EPHA4: variants seen among roughly 807,000 people sequenced by gnomAD.
EPHA4 encodes ephrin type-A receptor 4.
EPHA4 carries 19 observed loss-of-function variants against 108.3 expected under a neutral mutation model. That is an observed-to-expected ratio of 0.18 (90% CI 0.12 to 0.26). EPHA4 has a LOEUF of 0.26. Ranked by LOEUF, EPHA4 falls within the 10% of genes least tolerant of loss-of-function variation. EPHA4 has a pLI of 1.00. For missense variants in EPHA4, 917 were observed against 1,254.0 expected (o/e 0.73, Z 4.06); for synonymous variants, 449 against 455.5 (o/e 0.99, Z 0.18).
At chr2:221,454,189 A>T (rs1574576614) in intron 8 of EPHA4, among the ~76,000 whole-genome samples, 1 of 152,010 alleles carries the variant, frequency 6.6e-6, no homozygotes, top group Admixed American at 6.6e-5. Flanking sequence ...TCAGAAAAAA[A>T]TTAATAAATT....
rs200794726 is a variant in EPHA4, at chr2:221,432,125, TTG to T, written c.2497-1976_2497-1975del. ...CAACAGAATTCTTTATATATATATA[TTG>T]TTTTTTTATATATATGTGTGTATAT... On this transcript the variant is annotated intron_variant, in intron 14 of 17. Coordinates refer to ENST00000281821, the MANE Select transcript of EPHA4 (RefSeq NM_004438.5). Among the ~76,000 whole-genome samples the T allele has an allele frequency of 7.8e-3, 1,101 of 140,278 alleles. 9 individuals carry two copies. The highest frequency in any genetic ancestry group is 0.03 in the African/African-American group (1,042 of 34,366). 92.0% of individuals were successfully genotyped at this position (140,278 alleles called of 152,430 possible). A position where few individuals can be genotyped will look rare whatever the true frequency, so the allele number is the denominator to read the frequency against.
At chr2:221,465,408 T>C (rs1417210999) in intron 5 of EPHA4, among the ~76,000 whole-genome samples, 1 of 152,162 alleles carries the variant, frequency 6.6e-6, no homozygotes, top group Non-Finnish European at 1.5e-5. Flanking sequence ...CAGAGAGCTA[T>C]TGGTTAAATT....
At chr2:221,422,212 T>C (rs1479422246) in intron 17 of EPHA4, 1 of 152,196 alleles carries the variant, frequency 6.6e-6, no homozygotes, top group African/African-American at 2.4e-5. Context: ...CTATTTCCTC[T>C]CTGGAAATCG....
intron 3 of EPHA4, among the ~76,000 whole-genome samples, chr2:221,501,513 C>CT (rs1243225900): frequency 1.1e-4 from 16 of 152,320 alleles, no homozygotes; most frequent in Non-Finnish European, 1.5e-5. Flanking sequence ...TACAGCACCC[C>CT]TTTTCGACAG....
intron 3 of EPHA4, among the ~76,000 whole-genome samples, chr2:221,560,786 T>C (rs1306322506): frequency 3.3e-5 from 5 of 152,216 alleles, no homozygotes; most frequent in Non-Finnish European, 7.3e-5. Context: ...AGAAACATGC[T>C]CAAGGTCATC....
intron 15 of EPHA4, among the ~76,000 whole-genome samples, chr2:221,428,968 AGAG>A (rs1263151573): frequency 6.6e-6 from 1 of 152,118 alleles, no homozygotes; most frequent in Non-Finnish European, 1.5e-5. Flanking sequence ...GAGAAAGATG[AGAG>A]GAGAACACCA....
intron 15 of EPHA4, among the ~76,000 whole-genome samples, chr2:221,426,887 A>G (rs1689928330): frequency 6.6e-6 from 1 of 152,202 alleles, no homozygotes; most frequent in Non-Finnish European, 1.5e-5. Context: ...TGCTCATAGC[A>G]GGTCTTTTAA....
At chr2:221,521,472 T>C (rs780535355) in intron 3 of EPHA4, among the ~76,000 whole-genome samples, 2 of 152,104 alleles carry the variant, frequency 1.3e-5, no homozygotes, top group African/African-American at 2.4e-5. Context: ...TAGTGGGTCA[T>C]GATATGTTTG....
intron 15 of EPHA4, 94 bp downstream of exon 15, chr2:221,429,864 T>G: frequency 7.1e-7 from 1 of 1,414,816 alleles, no homozygotes; most frequent in Non-Finnish European, 9.8e-7. Context: ...TGAAGTGGCC[T>G]CTGATGAAAA....
At chr2:221,559,372 C>A (rs1694390985) in intron 3 of EPHA4, among the ~76,000 whole-genome samples, 1 of 152,086 alleles carries the variant, frequency 6.6e-6, no homozygotes, top group Non-Finnish European at 1.5e-5. Context: ...CTGGAGCTCT[C>A]CTTTCATTTT....
chr2:221,475,151 G>T (rs1163808886), intron 5 of EPHA4, among the ~76,000 whole-genome samples: 1 of 152,204 alleles, frequency 6.6e-6, no homozygotes, highest in Non-Finnish European at 1.5e-5. Context: ...GATTACAGGC[G>T]TGAGCCGCTG....
At chr2:221,428,464 T>A (rs1689976591) in intron 15 of EPHA4, among the ~76,000 whole-genome samples, 1 of 152,174 alleles carries the variant, frequency 6.6e-6, no homozygotes, top group Non-Finnish European at 1.5e-5. Context: ...TACCTCAACT[T>A]GTTCTGTACC....
At chr2:221,548,201 G>A (rs1188557467) in intron 3 of EPHA4, among the ~76,000 whole-genome samples, 2 of 152,022 alleles carry the variant, frequency 1.3e-5, no homozygotes, top group East Asian at 3.9e-4. Flanking sequence ...AAAGGGTCTG[G>A]GACAAATTAG....
intron 3 of EPHA4, among the ~76,000 whole-genome samples, chr2:221,507,198 C>A (rs75269998): frequency 0.031 from 4,679 of 152,162 alleles, 244 homozygotes; most frequent in African/African-American, 0.11. Flanking sequence ...CTCCATGGTT[C>A]GTCTGTTACT....
At chr2:221,520,930 A>G (rs1260048202) in intron 3 of EPHA4, among the ~76,000 whole-genome samples, 1 of 152,236 alleles carries the variant, frequency 6.6e-6, no homozygotes, top group Non-Finnish European at 1.5e-5. Flanking sequence ...TCTTTAAAAT[A>G]TATTTGCATT....
At chr2:221,515,960 GAA>G (rs71050339) in intron 3 of EPHA4, among the ~76,000 whole-genome samples, 4 of 140,876 alleles carry the variant, frequency 2.8e-5, no homozygotes, top group Admixed American at 7.1e-5. Context: ...GATTTGAAGG[GAA>G]AAAAAAAAAA....
At chr2:221,477,136 C>T (rs879517162) in intron 5 of EPHA4, among the ~76,000 whole-genome samples, 3 of 151,988 alleles carry the variant, frequency 2.0e-5, no homozygotes, top group Admixed American at 6.6e-5. Flanking sequence ...AAGCAGCGCC[C>T]GTTCATCTGA....
chr2:221,424,568 A>G (rs1309020324), intron 17 of EPHA4, among the ~76,000 whole-genome samples: 1 of 152,176 alleles, frequency 6.6e-6, no homozygotes, highest in African/African-American at 2.4e-5. Flanking sequence ...GCTGGTATAT[A>G]AAAATAGAAG....
chr2:221,521,593 A>C (rs1693167100), intron 3 of EPHA4, among the ~76,000 whole-genome samples: 1 of 152,202 alleles, frequency 6.6e-6, no homozygotes, highest in East Asian at 1.9e-4. Flanking sequence ...GGAGTTCATG[A>C]ACTGTAGATT....
Sources: gnomAD v4.1 joint callset for allele counts (sites outside exome capture counted in the v4.1 genomes callset) on GRCh38, gnomAD v4.1.1 for gene constraint, MANE v1.5 for transcripts, NCBI Gene and HGNC (gene_info 2026-07-23, HGNC 2026-07-21) for gene names.